CCDC146: variants seen among roughly 807,000 people sequenced by gnomAD.
CCDC146 encodes coiled-coil domain containing 146.
A neutral mutation model predicts 119.3 loss-of-function variants in CCDC146; 92 were observed. The ratio of observed to expected loss-of-function variants is 0.77; its 90% CI spans 0.65 to 0.92. CCDC146 has a LOEUF of 0.92. Among genes scored for constraint, CCDC146 ranks in the 40% least tolerant of loss-of-function variants. The pLI is 0.00. For synonymous variants in CCDC146, 372 were observed against 371.8 expected, an observed-to-expected ratio of 1.00 and a Z score of -0.01; for missense variants, 1,000 against 1,103.0, an observed-to-expected ratio of 0.91 and a Z score of 1.32.
intron 2 of CCDC146, among the ~76,000 whole-genome samples, chr7:77,171,615 C>T (rs573134769): frequency 3.9e-5 from 6 of 152,316 alleles, no homozygotes; most frequent in South Asian, 4.1e-4. Context: ...TTTGGTTTCA[C>T]CTTCTCATTT....
chr7:77,193,281 TAGTACTCATTAA>T (rs1791805232), intron 2 of CCDC146: 1 of 152,230 alleles, frequency 6.6e-6, no homozygotes, highest in Non-Finnish European at 1.5e-5. Flanking sequence ...GTTAATGAAA[TAGTACTCATTAA>T]AGTCTTCAGA....
At chr7:77,288,579 C>T (rs17151083) in intron 17 of CCDC146, among the ~76,000 whole-genome samples, 36,431 of 152,170 alleles carry the variant, frequency 0.24, 5,160 homozygotes, top group African/African-American at 0.38. Context: ...CATCAGAGGA[C>T]TGGCCACTCA....
chr7:77,201,897 CATG>C (rs1791996834), intron 2 of CCDC146, among the ~76,000 whole-genome samples: 1 of 150,570 alleles, frequency 6.6e-6, no homozygotes, highest in Admixed American at 6.6e-5. Flanking sequence ...AAAAAGGAGA[CATG>C]ATGACAACAT....
At chr7:77,132,594 A>G (rs1055475352) in intron 1 of CCDC146, among the ~76,000 whole-genome samples, 30 of 151,132 alleles carry the variant, frequency 2.0e-4, no homozygotes, top group African/African-American at 6.8e-4. Flanking sequence ...AAAATCAGCC[A>G]GTCATGGTGG....
chr7:77,243,324 C>T (rs903867527), intron 4 of CCDC146, among the ~76,000 whole-genome samples: 1 of 152,184 alleles, frequency 6.6e-6, no homozygotes, highest in African/African-American at 2.4e-5. Context: ...ATTCAAAATG[C>T]ACATTTGCAG....
At chr7:77,293,300 T>C in intron 18 of CCDC146, 100 bp downstream of exon 18, 1 of 1,248,108 alleles carries the variant, frequency 8.0e-7, no homozygotes, top group Non-Finnish European at 1.1e-6. Context: ...ATTTCCCCAC[T>C]CTACCACACA....
At chr7:77,164,034 T>G (rs1178201096) in intron 1 of CCDC146, among the ~76,000 whole-genome samples, 1 of 151,856 alleles carries the variant, frequency 6.6e-6, no homozygotes, top group Non-Finnish European at 1.5e-5. Flanking sequence ...TAATTTTTTT[T>G]GTATTTTTAG....
At chr7:77,226,051 G>A (rs1792506704) in intron 2 of CCDC146, among the ~76,000 whole-genome samples, 1 of 152,200 alleles carries the variant, frequency 6.6e-6, no homozygotes, top group Non-Finnish European at 1.5e-5. Flanking sequence ...AGGTGGAGGA[G>A]GAAAGGAATA....
At chr7:77,294,106 G>A (rs1254756154) in intron 18 of CCDC146, among the ~76,000 whole-genome samples, 2 of 152,128 alleles carry the variant, frequency 1.3e-5, no homozygotes, top group Non-Finnish European at 1.5e-5. Context: ...AAAACGTTGA[G>A]GCTCAGGGCA....
intron 15 of CCDC146, among the ~76,000 whole-genome samples, chr7:77,285,919 T>C (rs934395932): frequency 6.6e-6 from 1 of 152,306 alleles, no homozygotes; most frequent in Middle Eastern, 3.4e-3. Context: ...TTTCTCTTTC[T>C]TTGGGAAGCC....
At chr7:77,170,310 T>A (rs1026720811) in intron 2 of CCDC146, among the ~76,000 whole-genome samples, 1 of 151,968 alleles carries the variant, frequency 6.6e-6, no homozygotes, top group Admixed American at 6.6e-5. Context: ...CATGATTTCA[T>A]CCTCCTATAT....
intron 9 of CCDC146, 45 bp downstream of exon 9, chr7:77,262,352 C>A (rs1109969): frequency 0.069 from 98,043 of 1,425,120 alleles, 7,669 homozygotes; most frequent in East Asian, 0.43. Context: ...TCGGTGCTAA[C>A]TTTTGAAGTA....
chr7:77,212,950 ATTTTTTTT>A (rs5885013), intron 2 of CCDC146, among the ~76,000 whole-genome samples: 21 of 111,284 alleles, frequency 1.9e-4, no homozygotes, highest in African/African-American at 3.6e-4. Flanking sequence ...GGTCACATTA[ATTTTTTTT>A]TTTTTTTTTT....
intron 2 of CCDC146, among the ~76,000 whole-genome samples, chr7:77,182,983 C>T (rs1224274499): frequency 1.3e-5 from 2 of 152,052 alleles, no homozygotes; most frequent in African/African-American, 2.4e-5. Context: ...AGCCTTCTCC[C>T]TCCAACCTAA....
chr7:77,171,680 G>A (rs1169885156), intron 2 of CCDC146, among the ~76,000 whole-genome samples: 1 of 152,170 alleles, frequency 6.6e-6, no homozygotes, highest in Non-Finnish European at 1.5e-5. Context: ...CTGCCCATCA[G>A]GGCTCTTCTA....
intron 18 of CCDC146, 74 bp downstream of exon 18, chr7:77,293,274 C>A (rs1239667962): frequency 1.2e-5 from 19 of 1,520,606 alleles, no homozygotes; most frequent in Non-Finnish European, 1.5e-5. Flanking sequence ...CACAGTTATC[C>A]CACAGTATAA....
At chr7:77,123,725 CA>C (rs972179450) in intron 1 of CCDC146, among the ~76,000 whole-genome samples, 6 of 152,146 alleles carry the variant, frequency 3.9e-5, no homozygotes, top group African/African-American at 1.4e-4. Flanking sequence ...CTAAAGTTCT[CA>C]TGGGTACAAG....
intron 1 of CCDC146, among the ~76,000 whole-genome samples, chr7:77,158,800 A>G (rs1008413601): frequency 2.0e-5 from 3 of 152,180 alleles, no homozygotes; most frequent in African/African-American, 7.2e-5. Context: ...TTACAGGCGT[A>G]AACCACTGCG....
chr7:77,136,743 G>T (rs1447346713), intron 1 of CCDC146, among the ~76,000 whole-genome samples: 1 of 152,166 alleles, frequency 6.6e-6, no homozygotes, highest in Non-Finnish European at 1.5e-5. Flanking sequence ...GTAGATAGAA[G>T]AATACTTCTG....
Sources: allele counts gnomAD v4.1 joint callset (sites outside exome capture counted in the v4.1 genomes callset), GRCh38; gene constraint gnomAD v4.1.1; transcripts MANE v1.5; gene names NCBI Gene and HGNC (gene_info 2026-07-23, HGNC 2026-07-21).